The following ANO1 variants were observed in gnomAD, a reference collection of about 807,000 sequenced individuals.
ANO1 encodes the protein anoctamin 1.
In ANO1, 59 loss-of-function variants were observed where a neutral mutation model predicts 124.0. The observed-to-expected ratio is 0.48, with a 90% CI of 0.39 to 0.59. The LOEUF (loss-of-function observed/expected upper bound fraction) is 0.59. Among genes scored for constraint, ANO1 ranks in the 20% least tolerant of loss-of-function variants. The probability of loss-of-function intolerance (pLI) is 0.00; values close to 1 mark genes in which losing one functional copy is unlikely to be tolerated. For missense variants in ANO1, 1,059 were observed against 1,328.0 expected, an observed-to-expected ratio of 0.80 and a Z score of 3.15; for synonymous variants, 529 against 532.0, an observed-to-expected ratio of 0.99 and a Z score of 0.08.
upstream of ANO1, among the ~76,000 whole-genome samples, chr11:69,980,929 G>C (rs1239180101): frequency 6.6e-6 from 1 of 152,118 alleles, no homozygotes; most frequent in African/African-American, 2.4e-5. Flanking sequence ...GCACATGCCT[G>C]TAATCCCAGC....
intron 22 of ANO1, among the ~76,000 whole-genome samples, chr11:70,177,594 CTTTTTTT>C (rs57647858): frequency 3.8e-5 from 3 of 78,930 alleles, no homozygotes; most frequent in East Asian, 8.3e-4. Context: ...TTTTTTTTTT[CTTTTTTT>C]TTTTTTTTTT....
At position 70,124,422 on chromosome 11, in the gene ANO1, C is replaced by T. The variant is rs142601478; in HGVS notation, c.962+8C>T. Reference sequence around the variant, plus strand: ...GCCCATCGACCTGGTCAGGTAAGAACGCGCCACAGCCTGCGGGAATCAAGT... The same window carrying T: ...GCCCATCGACCTGGTCAGGTAAGAATGCGCCACAGCCTGCGGGAATCAAGT... On this transcript the variant is annotated splice_region_variant and intron_variant, in intron 9 of 25. Coordinates refer to ENST00000355303, the MANE Select transcript of ANO1 (RefSeq NM_018043.7). 124 of 1,613,568 alleles carry T rather than the reference C, an allele frequency of 7.7e-5. No homozygotes were observed. The Admixed American group carries it at 1.4e-3, about 18-fold the overall frequency.
chr11:70,122,969 G>A (rs1000574556), intron 8 of ANO1, among the ~76,000 whole-genome samples: 3 of 152,182 alleles, frequency 2.0e-5, no homozygotes, highest in African/African-American at 7.2e-5. Context: ...GTAAAACTGT[G>A]GCCTTTTCAT....
At chr11:70,028,181 G>A (rs1490496826) in intron 1 of ANO1, among the ~76,000 whole-genome samples, 2 of 152,208 alleles carry the variant, frequency 1.3e-5, no homozygotes, top group Non-Finnish European at 2.9e-5. Flanking sequence ...TTAAAGATGA[G>A]TCTGTCACAT....
At chr11:70,126,230 C>T (rs1442206089) in intron 10 of ANO1, 35 bp downstream of exon 10, 2 of 1,587,080 alleles carry the variant, frequency 1.3e-6, no homozygotes, top group Non-Finnish European at 1.7e-6. Flanking sequence ...CCCCGCAGTA[C>T]ACAGAGGAGC....
At chr11:70,061,452 C>T (rs1475533820) in intron 1 of ANO1, among the ~76,000 whole-genome samples, 1 of 151,608 alleles carries the variant, frequency 6.6e-6, no homozygotes, top group Non-Finnish European at 1.5e-5. Flanking sequence ...TTTTCTCTCT[C>T]CTTCTCTCTC....
At chr11:70,024,400 G>A (rs555806952) in intron 1 of ANO1, among the ~76,000 whole-genome samples, 2 of 152,316 alleles carry the variant, frequency 1.3e-5, no homozygotes, top group Non-Finnish European at 2.9e-5. Flanking sequence ...AACGGCACAA[G>A]GGAGGGAGTG....
the ANO1 span, among the ~76,000 whole-genome samples, chr11:69,970,875 C>T: frequency 3.3e-5 from 5 of 152,310 alleles, no homozygotes; most frequent in East Asian, 1.9e-4. Context: ...CCCAAGATGG[C>T]TGCTTGGGCT....
Position 70,071,267 on chromosome 11 carries a change from C to T in ANO1, c.59-7275C>T, listed in dbSNP as rs373015352. ...GAGAAAAAGCTGTTCAACTATTTTT[C>T]CTTAAATAGTAAAAGGGTCCAATAT... On this transcript the variant is annotated intron_variant, in intron 1 of 27. Transcript: ENST00000531349. Among the ~76,000 whole-genome samples the T allele has an allele frequency of 1.3e-4, 20 of 152,308 alleles. No homozygotes were observed. The Middle Eastern group carries it at 0.014, about 104-fold the overall frequency.
chr11:70,011,189 C>G (rs1323490722), intron 1 of ANO1, among the ~76,000 whole-genome samples: 3 of 152,090 alleles, frequency 2.0e-5, no homozygotes, highest in African/African-American at 4.8e-5. Flanking sequence ...GCAGAGGGAA[C>G]AGCGTGTGCA....
chr11:70,045,974 G>C (rs1212181553), intron 1 of ANO1, among the ~76,000 whole-genome samples: 2 of 152,174 alleles, frequency 1.3e-5, no homozygotes, highest in Non-Finnish European at 2.9e-5. Flanking sequence ...TTAGACGACT[G>C]TTCAAAAACC....
chr11:70,034,395 C>T (rs1555004133), intron 1 of ANO1, among the ~76,000 whole-genome samples: 2 of 152,046 alleles, frequency 1.3e-5, no homozygotes, highest in African/African-American at 4.8e-5. Context: ...TTGAGGCATC[C>T]GGCGGTTGGG....
chr11:70,014,502 G>A (rs555730202), intron 1 of ANO1, among the ~76,000 whole-genome samples: 2 of 152,100 alleles, frequency 1.3e-5, no homozygotes, highest in East Asian at 1.9e-4. Context: ...CGTCACTGCC[G>A]AGTCCTCTTG....
chr11:70,114,989 G>C (rs956273804), intron 7 of ANO1, among the ~76,000 whole-genome samples: 2 of 152,134 alleles, frequency 1.3e-5, no homozygotes, highest in Non-Finnish European at 2.9e-5. Flanking sequence ...CCTGACTAAC[G>C]AGGTCACCAG....
At chr11:70,062,406 A>G (rs1438126867) in intron 1 of ANO1, among the ~76,000 whole-genome samples, 8 of 152,216 alleles carry the variant, frequency 5.3e-5, no homozygotes, top group African/African-American at 1.9e-4. Context: ...ATGAAAATAC[A>G]ATGGACTCCA....
Position 70,102,655 on chromosome 11 carries a change from C to G in ANO1, c.442-411C>G, listed in dbSNP as rs554865217. 9.8e-5 allele frequency among the ~76,000 whole-genome samples: 15 copies of G among 152,352 alleles called. 1 individual carries two copies. The highest frequency in any genetic ancestry group is 5.2e-4 in the Admixed American group (8 of 15,314). Reference sequence around the variant, plus strand: ...CTCCTCGGCACTGCTCAGGGACCCACAGGTCCCTGAGTGATTCCAGGTGGA... The same window carrying G: ...CTCCTCGGCACTGCTCAGGGACCCAGAGGTCCCTGAGTGATTCCAGGTGGA... On this transcript the variant is annotated intron_variant, in intron 2 of 25. Transcript: ENST00000355303.
At position 70,182,645 on chromosome 11, in the gene ANO1, C is replaced by T; in HGVS notation, c.2547C>T (p.Pro849=). Residue 849 remains proline, a synonymous_variant, in exon 24 of 26, where the codon CCC becomes CCT. Coordinates refer to ENST00000355303, the MANE Select transcript of ANO1 (RefSeq NM_018043.7). The stretch of plus-strand genomic sequence containing the variant: ...GTGACTTCCAGAACGGCACGGCCCC[C>T]AATGACCCCCTGGACCTGGGCTACG... ...NVSDFQNGTA[P]NDPLDLGYEV... 1 of 1,611,354 alleles carries T rather than the reference C, an allele frequency of 6.2e-7. No individual in the cohort carries two copies. Among genetic ancestry groups the T allele is most frequent in the Non-Finnish European group, 8.5e-7 (1 of 1,178,522 alleles).
At chr11:70,000,321 CG>C (rs11313364) in intron 1 of ANO1, among the ~76,000 whole-genome samples, 114,734 of 151,234 alleles carry the variant, frequency 0.76, 43,753 homozygotes, top group East Asian at 0.91. Context: ...AGAGATGGGC[CG>C]GGGGGGGATG....
At chr11:70,100,460 G>C (rs984497058) in intron 2 of ANO1, among the ~76,000 whole-genome samples, 1 of 152,204 alleles carries the variant, frequency 6.6e-6, no homozygotes, top group South Asian at 2.1e-4. Flanking sequence ...CAGCTGGAGC[G>C]ATGTGGCCAC....
Sources: allele counts gnomAD v4.1 joint callset (sites outside exome capture counted in the v4.1 genomes callset), GRCh38; gene constraint gnomAD v4.1.1; transcripts MANE v1.5; gene names NCBI Gene and HGNC (gene_info 2026-07-23, HGNC 2026-07-21).